UNC13C: variants seen among roughly 807,000 people sequenced by gnomAD.
UNC13C encodes unc-13 homolog C.
UNC13C carries 174 observed loss-of-function variants against 245.4 expected under a neutral mutation model. The ratio of observed to expected loss-of-function variants is 0.71; its 90% confidence interval spans 0.63 to 0.80. The LOEUF (loss-of-function observed/expected upper bound fraction) is 0.80. UNC13C is among the 30% of genes least tolerant of loss of function. UNC13C has a pLI of 0.00. For synonymous variants in UNC13C, 992 were observed against 895.1 expected (o/e 1.11, Z -1.93); for missense variants, 2,829 against 2,602.9 (o/e 1.09, Z -1.89).
chr15:54,554,191 C>T (rs957374440), intron 28 of UNC13C, among the ~76,000 whole-genome samples: 5 of 151,930 alleles, frequency 3.3e-5, no homozygotes, highest in Non-Finnish European at 7.4e-5. Flanking sequence ...CAGATAACAA[C>T]TGCCAAAATA....
At chr15:54,164,504 A>G (rs899827973) in intron 4 of UNC13C, among the ~76,000 whole-genome samples, 2 of 152,206 alleles carry the variant, frequency 1.3e-5, no homozygotes, top group Non-Finnish European at 2.9e-5. Context: ...ATCTAAATAA[A>G]TAAGTAAATA....
chr15:54,013,226 TAACCA>T lies in UNC13C; in HGVS notation c.325_329del (p.Thr109GlnfsTer2). On this transcript the variant is annotated frameshift_variant, in exon 2 of 33. Coordinates refer to ENST00000260323, the MANE Select transcript of UNC13C (RefSeq NM_001080534.3). LOFTEE classifies it high-confidence loss of function. The stretch of plus-strand genomic sequence containing the variant: ...AATGGCCTACAAAAGAATGCTAAAG[TAACCA>T]ACAGTGATAATGAGGATCTGCTTCA... 1 of 1,613,714 alleles carries T rather than the reference TAACCA, an allele frequency of 6.2e-7. No homozygotes were observed. Among genetic ancestry groups the T allele is most frequent in the Non-Finnish European group, 8.5e-7 (1 of 1,179,812 alleles).
intron 4 of UNC13C, among the ~76,000 whole-genome samples, chr15:54,215,189 G>C (rs1174743039): frequency 2.7e-5 from 4 of 150,228 alleles, no homozygotes; most frequent in African/African-American, 7.3e-5. Context: ...GTTGTTAAAA[G>C]TTAATCCCTG....
intron 2 of UNC13C, among the ~76,000 whole-genome samples, chr15:54,133,185 A>T (rs149305216): frequency 1.3e-5 from 2 of 152,242 alleles, no homozygotes; most frequent in East Asian, 3.9e-4. Context: ...ATGCTGGTGA[A>T]ATATTCTTAT....
intron 19 of UNC13C, among the ~76,000 whole-genome samples, chr15:54,465,027 A>G (rs1041010968): frequency 2.0e-5 from 3 of 152,102 alleles, no homozygotes; most frequent in Non-Finnish European, 4.4e-5. Flanking sequence ...TTACACAGAT[A>G]ATACATATCT....
chr15:53,870,991 C>T, the UNC13C span, among the ~76,000 whole-genome samples: 1 of 152,078 alleles, frequency 6.6e-6, no homozygotes. Context: ...TTGTCATCCT[C>T]ATGCCATCTA....
At chr15:53,905,568 A>C in the UNC13C span, among the ~76,000 whole-genome samples, 1 of 152,148 alleles carries the variant, frequency 6.6e-6, no homozygotes, top group Non-Finnish European at 1.5e-5. Flanking sequence ...AATCTAAAAA[A>C]ATATAACTCA....
intron 2 of UNC13C, among the ~76,000 whole-genome samples, chr15:54,021,479 A>G (rs995716321): frequency 3.9e-5 from 6 of 152,206 alleles, no homozygotes; most frequent in South Asian, 2.1e-4. Flanking sequence ...TTCACTTAGC[A>G]TAATGTCCTT....
chr15:54,588,917 C>T (rs1898626444), intron 30 of UNC13C, among the ~76,000 whole-genome samples: 1 of 152,198 alleles, frequency 6.6e-6, no homozygotes, highest in South Asian at 2.1e-4. Flanking sequence ...CACAGTTTTG[C>T]AATTGTGAAT....
chr15:54,235,964 T>C (rs559441830), intron 5 of UNC13C, among the ~76,000 whole-genome samples: 153 of 152,150 alleles, frequency 1.0e-3, no homozygotes, highest in African/African-American at 3.5e-3. Context: ...TATTGAAATA[T>C]GCTGCAGCCA....
chr15:54,343,837 C>T (rs1446950389), intron 17 of UNC13C, among the ~76,000 whole-genome samples: 1 of 152,004 alleles, frequency 6.6e-6, no homozygotes, highest in Non-Finnish European at 1.5e-5. Context: ...AGCCAAGGAG[C>T]TGAGTTAAGG....
At position 54,533,136 on chromosome 15, in the gene UNC13C, C is replaced by T. The variant is rs972808541; in HGVS notation, c.5696+70C>T. The T allele has an allele frequency of 2.5e-6, 3 of 1,206,578 alleles. No individual in the cohort carries two copies. The African/African-American group carries it at 4.6e-5, about 19-fold the overall frequency. The allele number at this position is 1,206,578 out of a possible 1,614,324, so 74.7% of individuals were successfully genotyped here. A position where few individuals can be genotyped will look rare whatever the true frequency, so the allele number is the denominator to read the frequency against. ...TTGACCTTTAAGGCTTTAAGAAAAA[C>T]ATTGTTTTCCTCTGTGTAAGGTAGC... On this transcript the variant is annotated intron_variant, in intron 26 of 32. Coordinates refer to ENST00000260323, the MANE Select transcript of UNC13C (RefSeq NM_001080534.3).
At chr15:54,224,824 A>G (rs1469083926) in intron 4 of UNC13C, among the ~76,000 whole-genome samples, 1 of 151,930 alleles carries the variant, frequency 6.6e-6, no homozygotes, top group Non-Finnish European at 1.5e-5. Context: ...CAATCTCACT[A>G]CTTGTTATTG....
At chr15:54,398,553 A>G (rs1215757351) in intron 18 of UNC13C, among the ~76,000 whole-genome samples, 2 of 151,352 alleles carry the variant, frequency 1.3e-5, no homozygotes, top group Admixed American at 1.3e-4. Flanking sequence ...TTTTGATAGA[A>G]TTTACTGGAA....
the UNC13C span, among the ~76,000 whole-genome samples, chr15:53,891,008 C>A: frequency 6.6e-6 from 1 of 152,128 alleles, no homozygotes; most frequent in Non-Finnish European, 1.5e-5. Context: ...TTTAGTGCTA[C>A]AAATTTCCCT....
At chr15:54,352,010 A>G (rs112320278) in intron 17 of UNC13C, among the ~76,000 whole-genome samples, 32 of 152,000 alleles carry the variant, frequency 2.1e-4, no homozygotes, top group African/African-American at 7.0e-4. Flanking sequence ...AACATAAGTA[A>G]TTAAAAGAGA....
intron 19 of UNC13C, among the ~76,000 whole-genome samples, chr15:54,438,468 C>T (rs192753541): frequency 1.5e-4 from 23 of 152,036 alleles, no homozygotes; most frequent in African/African-American, 5.3e-4. Context: ...TAGATTTAAA[C>T]GGGGTTGACC....
At chr15:54,585,240 C>T (rs1898427452) in intron 30 of UNC13C, among the ~76,000 whole-genome samples, 1 of 152,162 alleles carries the variant, frequency 6.6e-6, no homozygotes, top group South Asian at 2.1e-4. Context: ...TCATGAATGG[C>T]TTGGTACCCT....
At chr15:54,331,017 C>A (rs2038421860) in intron 14 of UNC13C, among the ~76,000 whole-genome samples, 1 of 151,984 alleles carries the variant, frequency 6.6e-6, no homozygotes, top group South Asian at 2.1e-4. Flanking sequence ...AACAATTTGT[C>A]ACCTCCTGTT....
Sources: allele counts gnomAD v4.1 joint callset (sites outside exome capture counted in the v4.1 genomes callset), GRCh38; gene constraint gnomAD v4.1.1; transcripts MANE v1.5; gene names NCBI Gene and HGNC (gene_info 2026-07-23, HGNC 2026-07-21).